Variants in ARHGAP26 observed in about 807,000 individuals in gnomAD.
ARHGAP26 encodes rho GTPase-activating protein 26.
Under a neutral mutation model 104.8 loss-of-function variants are expected in ARHGAP26, and 38 were observed. The observed-to-expected ratio is 0.36, with a 90% CI of 0.28 to 0.48. The LOEUF (loss-of-function observed/expected upper bound fraction) is 0.48. ARHGAP26 is among the 20% of genes least tolerant of loss of function. ARHGAP26 has a pLI of 0.99. For missense variants in ARHGAP26, 704 were observed against 947.9 expected (o/e 0.74, Z 3.38); for synonymous variants, 341 against 340.0 (o/e 1.00, Z -0.03).
At chr5:143,019,387 T>A (rs1349435054) in intron 12 of ARHGAP26, among the ~76,000 whole-genome samples, 1 of 152,104 alleles carries the variant, frequency 6.6e-6, no homozygotes, top group Non-Finnish European at 1.5e-5. Context: ...AAGAACCATT[T>A]CTCCCATCTC....
intron 11 of ARHGAP26, among the ~76,000 whole-genome samples, chr5:142,982,748 C>T (rs1774125967): frequency 6.6e-6 from 1 of 152,216 alleles, no homozygotes; most frequent in South Asian, 2.1e-4. Context: ...GTCAGACTAG[C>T]TCCAAATCAC....
At chr5:142,988,618 G>A (rs1047667211) in intron 11 of ARHGAP26, among the ~76,000 whole-genome samples, 1 of 152,100 alleles carries the variant, frequency 6.6e-6, no homozygotes, top group Admixed American at 6.5e-5. Context: ...TCTTTCTCTT[G>A]TGGGCGTTTA....
intron 11 of ARHGAP26, among the ~76,000 whole-genome samples, chr5:142,999,737 A>G (rs1776933835): frequency 6.6e-6 from 1 of 152,200 alleles, no homozygotes; most frequent in East Asian, 1.9e-4. Flanking sequence ...GTAATAGGAC[A>G]TAGAAAGTGA....
chr5:142,857,906 T>TA (rs1247956314), intron 1 of ARHGAP26, among the ~76,000 whole-genome samples: 1 of 152,200 alleles, frequency 6.6e-6, no homozygotes, highest in African/African-American at 2.4e-5. Flanking sequence ...GAGTTTATTT[T>TA]AAAAAGGCAT....
At chr5:142,923,948 GC>G (rs948247581) in intron 10 of ARHGAP26, among the ~76,000 whole-genome samples, 9 of 134,252 alleles carry the variant, frequency 6.7e-5, no homozygotes, top group African/African-American at 2.5e-4. Flanking sequence ...TGCAAGCTCC[GC>G]CCCCCGGGTT....
intron 20 of ARHGAP26, among the ~76,000 whole-genome samples, chr5:143,185,399 C>A (rs1804984178): frequency 6.6e-6 from 1 of 152,110 alleles, no homozygotes; most frequent in African/African-American, 2.4e-5. Flanking sequence ...AACAAAGTTT[C>A]TTTCTGTATT....
chr5:143,105,149 G>A (rs1188690363), intron 17 of ARHGAP26, among the ~76,000 whole-genome samples: 2 of 152,118 alleles, frequency 1.3e-5, no homozygotes, highest in Non-Finnish European at 2.9e-5. Flanking sequence ...GCCAAGGTGG[G>A]CGGATCACCT....
intron 11 of ARHGAP26, among the ~76,000 whole-genome samples, chr5:142,980,659 G>A (rs1330226933): frequency 6.6e-6 from 1 of 152,116 alleles, no homozygotes; most frequent in Admixed American, 6.6e-5. Flanking sequence ...AAAGTGCTGG[G>A]ATTACAGGTG....
intron 12 of ARHGAP26, among the ~76,000 whole-genome samples, chr5:143,025,752 G>C (rs550642353): frequency 1.3e-5 from 2 of 152,228 alleles, no homozygotes. Context: ...ATAGTCCTCA[G>C]CCTGTGCTGT....
intron 10 of ARHGAP26, among the ~76,000 whole-genome samples, chr5:142,920,065 G>A (rs2152501822): frequency 6.6e-6 from 1 of 152,256 alleles, no homozygotes; most frequent in South Asian, 2.1e-4. Context: ...GGGTGCTTTT[G>A]TATTACTTTG....
At chr5:142,770,957 G>T in intron 1 of ARHGAP26, 42 bp downstream of exon 1, 1 of 1,557,492 alleles carries the variant, frequency 6.4e-7, no homozygotes, top group Non-Finnish European at 8.7e-7. Context: ...TCCGGGGCGG[G>T]AGGAACTGGG....
At chr5:142,776,885 A>G (rs1433806526) in intron 1 of ARHGAP26, among the ~76,000 whole-genome samples, 1 of 152,176 alleles carries the variant, frequency 6.6e-6, no homozygotes, top group Non-Finnish European at 1.5e-5. Context: ...CCCACCAACA[A>G]TGTATGAGGA....
intron 11 of ARHGAP26, among the ~76,000 whole-genome samples, chr5:142,979,234 A>G (rs1180811369): frequency 6.6e-6 from 1 of 152,174 alleles, no homozygotes; most frequent in Non-Finnish European, 1.5e-5. Flanking sequence ...TAATGTTTCT[A>G]CTTTCTGCCT....
At chr5:142,928,121 A>G (rs1764176686) in intron 10 of ARHGAP26, among the ~76,000 whole-genome samples, 1 of 152,164 alleles carries the variant, frequency 6.6e-6, no homozygotes. Context: ...TTTTAAATAA[A>G]AGTAATTAAG....
chr5:142,901,782 T>C (rs2152454186), intron 6 of ARHGAP26, among the ~76,000 whole-genome samples, 153 bp from the exon 7 acceptor site: 1 of 152,380 alleles, frequency 6.6e-6, no homozygotes, highest in East Asian at 1.9e-4. Context: ...TGGAAGGGCA[T>C]AGTGCCTGGC....
chr5:143,164,693 C>A (rs1169535566), intron 20 of ARHGAP26, among the ~76,000 whole-genome samples: 2 of 152,160 alleles, frequency 1.3e-5, no homozygotes, highest in Non-Finnish European at 2.9e-5. Flanking sequence ...CTATAGCTAG[C>A]TCTGAATTGG....
intron 6 of ARHGAP26, among the ~76,000 whole-genome samples, chr5:142,899,475 C>T (rs184618011): frequency 2.1e-4 from 32 of 152,278 alleles, no homozygotes; most frequent in Admixed American, 7.8e-4. Context: ...CACAGGGAGG[C>T]GGGAAAGATC....
chr5:142,817,746 G>A (rs1010284608), intron 1 of ARHGAP26, among the ~76,000 whole-genome samples: 3 of 152,142 alleles, frequency 2.0e-5, no homozygotes, highest in African/African-American at 4.8e-5. Flanking sequence ...ATCTGTGCTC[G>A]CCAAATTGCA....
intron 17 of ARHGAP26, among the ~76,000 whole-genome samples, chr5:143,065,718 C>A (rs190785276): frequency 3.2e-4 from 49 of 152,310 alleles, no homozygotes; most frequent in African/African-American, 1.2e-3. Flanking sequence ...CCTGCAAGTG[C>A]AGCCTGGTAG....
Sources: allele counts gnomAD v4.1 joint callset (sites outside exome capture counted in the v4.1 genomes callset), GRCh38; gene constraint gnomAD v4.1.1; transcripts MANE v1.5; gene names NCBI Gene and HGNC (gene_info 2026-07-23, HGNC 2026-07-21).